The following TECPR2 variants were observed in gnomAD, a reference collection of about 807,000 sequenced individuals.
The protein encoded by TECPR2 is tectonin beta-propeller repeat containing 2.
In TECPR2, 65 loss-of-function variants were observed where a neutral mutation model predicts 138.1. The observed-to-expected ratio is 0.47, with a 90% CI of 0.39 to 0.58. The LOEUF (loss-of-function observed/expected upper bound fraction) is 0.58. Among genes scored for constraint, TECPR2 ranks in the 20% least tolerant of loss-of-function variants. The pLI, the probability that TECPR2 is intolerant of heterozygous loss-of-function variation, is 0.00. For synonymous variants in TECPR2, 746 were observed against 749.8 expected (o/e 0.99, Z 0.08); for missense variants, 1,553 against 1,824.5 (o/e 0.85, Z 2.71).
intron 1 of TECPR2, among the ~76,000 whole-genome samples, chr14:102,366,232 G>A (rs1415355045): frequency 1.3e-5 from 2 of 152,210 alleles, no homozygotes; most frequent in African/African-American, 4.8e-5. Flanking sequence ...TTATGAGATT[G>A]ACAGGGCTAG....
At chr14:102,401,827 A>AAG (rs58535444) in intron 2 of TECPR2, among the ~76,000 whole-genome samples, 1 of 149,556 alleles carries the variant, frequency 6.7e-6, no homozygotes, top group South Asian at 2.1e-4. Flanking sequence ...AAAAAAAAAA[A>AAG]GAGAGACTCA....
At chr14:102,422,703 T>C (rs1889217517) in intron 5 of TECPR2, among the ~76,000 whole-genome samples, 1 of 152,174 alleles carries the variant, frequency 6.6e-6, no homozygotes, top group Non-Finnish European at 1.5e-5. Context: ...AGTCCAGTGG[T>C]TCCATCTGGG....
intron 16 of TECPR2, 21 bp from the exon 17 acceptor site, chr14:102,465,120 T>C (rs893645420): frequency 6.2e-7 from 1 of 1,612,678 alleles, no homozygotes; most frequent in African/African-American, 1.3e-5. Flanking sequence ...TTATAGTGTG[T>C]GTACTTTTCT....
intron 15 of TECPR2, among the ~76,000 whole-genome samples, 183 bp from the exon 16 acceptor site, chr14:102,452,211 C>T (rs1890162588): frequency 6.6e-6 from 1 of 152,216 alleles, no homozygotes; most frequent in Admixed American, 6.5e-5. Flanking sequence ...ACGGTGTTTC[C>T]CTCTGCCTTC....
chr14:102,481,812 G>A (rs1890899417), intron 17 of TECPR2, among the ~76,000 whole-genome samples: 1 of 152,134 alleles, frequency 6.6e-6, no homozygotes. Context: ...TTGACTCTCT[G>A]CGGGAAGAGA....
At chr14:102,433,816 G>A (rs974363457) in intron 8 of TECPR2, among the ~76,000 whole-genome samples, 5 of 152,124 alleles carry the variant, frequency 3.3e-5, no homozygotes, top group African/African-American at 4.8e-5. Context: ...GTGAACCACC[G>A]TGCACAGCCC....
chr14:102,462,619 C>T (rs752908273), intron 16 of TECPR2, among the ~76,000 whole-genome samples: 7 of 152,172 alleles, frequency 4.6e-5, no homozygotes, highest in Admixed American at 1.3e-4. Context: ...TGGTACCTCC[C>T]GATTCTGCAC....
intron 16 of TECPR2, among the ~76,000 whole-genome samples, chr14:102,460,334 C>T (rs948547188): frequency 1.1e-4 from 16 of 151,470 alleles, no homozygotes; most frequent in Non-Finnish European, 2.1e-4. Context: ...AAAAACAAGG[C>T]CAGGTACAGT....
chr14:102,463,333 C>T (rs561888120), intron 16 of TECPR2, among the ~76,000 whole-genome samples: 3 of 143,716 alleles, frequency 2.1e-5, no homozygotes, highest in Admixed American at 7.3e-5. Flanking sequence ...AGGAGAATGG[C>T]GTGAACCCGG....
intron 2 of TECPR2, among the ~76,000 whole-genome samples, chr14:102,402,899 A>G (rs921104760): frequency 2.0e-5 from 3 of 152,212 alleles, no homozygotes; most frequent in East Asian, 1.9e-4. Flanking sequence ...CAATAATCAA[A>G]TATCTCCTTG....
rs1891361850 is a variant in TECPR2 at position 102,498,741 on chromosome 14, T to TC, written c.*490dup. 10 of 453,722 alleles carry TC rather than the reference T, an allele frequency of 2.2e-5. No homozygotes were observed. In the Admixed American group the frequency reaches 2.3e-4, roughly 11 times the overall value. 28.1% of individuals were successfully genotyped at this position (453,722 alleles called of 1,614,324 possible). On this transcript the variant is annotated 3_prime_UTR_variant, in exon 20 of 20. Coordinates refer to ENST00000359520, the MANE Select transcript of TECPR2 (RefSeq NM_014844.5). ...GGCTTTGTCCCATCATAGGGGGGTG[T>TC]CCCCCCAGAGACAAAGCTGCAGAGC...
chr14:102,421,366 T>C (rs1383326461), intron 5 of TECPR2, among the ~76,000 whole-genome samples: 7 of 152,220 alleles, frequency 4.6e-5, no homozygotes, highest in Non-Finnish European at 1.0e-4. Context: ...CAAAACACCC[T>C]TGGTTCGTCC....
At chr14:102,460,195 G>A (rs1000911508) in intron 16 of TECPR2, among the ~76,000 whole-genome samples, 2 of 152,096 alleles carry the variant, frequency 1.3e-5, no homozygotes, top group African/African-American at 2.4e-5. Context: ...GCTTGAACCC[G>A]AGAGGCAGAG....
chr14:102,476,381 A>G lies in TECPR2; in HGVS notation c.3789+11092A>G, dbSNP rs75398705. Among the ~76,000 whole-genome samples the G allele has an allele frequency of 9.0e-4, 134 of 149,034 alleles. 1 individual carries two copies. Among genetic ancestry groups the G allele is most frequent in the Admixed American group, 2.0e-3 (30 of 14,928 alleles). On this transcript the variant is annotated intron_variant, in intron 17 of 19. Transcript: ENST00000359520. ...ACCCTGCCTCTAAAAAAAAAAAAAAACAACAAAACAAAAAACAACAACTCA... is the reference window on the plus strand; with the variant it reads ...ACCCTGCCTCTAAAAAAAAAAAAAAGCAACAAAACAAAAAACAACAACTCA...
chr14:102,365,946 C>G (rs994819073), intron 1 of TECPR2, among the ~76,000 whole-genome samples: 10 of 152,178 alleles, frequency 6.6e-5, no homozygotes, highest in Non-Finnish European at 1.5e-4. Flanking sequence ...TACGTTCCTC[C>G]TTAATAATTT....
At chr14:102,363,150 C>G (rs1161544114) in intron 1 of TECPR2, 34 bp downstream of exon 1, 1 of 335,022 alleles carries the variant, frequency 3.0e-6, no homozygotes. Flanking sequence ...GGCCCCGACG[C>G]CCCCGACGCC....
At chr14:102,380,408 G>C (rs1329460020) in intron 2 of TECPR2, among the ~76,000 whole-genome samples, 3 of 152,198 alleles carry the variant, frequency 2.0e-5, no homozygotes, top group African/African-American at 7.2e-5. Flanking sequence ...AATTTATAAA[G>C]GAAAGAGGTT....
In TECPR2 at chr14:102,465,304, G is replaced by A; in HGVS notation, c.3789+15G>A. The A allele has an allele frequency of 6.2e-7, 1 of 1,612,108 alleles. No individual in the cohort carries two copies. The highest frequency in any genetic ancestry group is 8.5e-7 in the Non-Finnish European group (1 of 1,178,878). Reference sequence around the variant, plus strand: ...CACCTGTCCAGGTAAGCAGAAGTTAGCTGGTGGAACTCACTCTTCAGTAAG... The same window carrying A: ...CACCTGTCCAGGTAAGCAGAAGTTAACTGGTGGAACTCACTCTTCAGTAAG... On this transcript the variant is annotated intron_variant, in intron 17 of 19. Transcript: ENST00000359520.
intron 2 of TECPR2, among the ~76,000 whole-genome samples, chr14:102,401,016 G>A: frequency 6.7e-6 from 1 of 149,314 alleles, no homozygotes; most frequent in East Asian, 2.0e-4. Context: ...CTGGGCAACA[G>A]AGTGAGACTC....
Sources: gnomAD v4.1 joint callset for allele counts (sites outside exome capture counted in the v4.1 genomes callset) on GRCh38, gnomAD v4.1.1 for gene constraint, MANE v1.5 for transcripts, NCBI Gene and HGNC (gene_info 2026-07-23, HGNC 2026-07-21) for gene names.